Variants in TMEM59 observed in about 807,000 individuals in gnomAD.
TMEM59 encodes the protein dendritic cell factor 1.
In TMEM59, 44 loss-of-function variants were observed where a neutral mutation model predicts 42.2. That is an observed-to-expected ratio of 1.04 (90% CI 0.82 to 1.34). The LOEUF is 1.34. Among genes scored for constraint, TMEM59 ranks in the 40% most tolerant of loss-of-function variants. The probability of loss-of-function intolerance (pLI) is 0.00; values close to 1 mark genes in which losing one functional copy is unlikely to be tolerated. For missense variants in TMEM59, 359 were observed against 382.8 expected, an observed-to-expected ratio of 0.94 and a Z score of 0.52; for synonymous variants, 148 against 145.8, an observed-to-expected ratio of 1.02 and a Z score of -0.11.
At position 54,030,977 on chromosome 1, in the gene TMEM59, C is replaced by T. The variant is rs1253606293; in HGVS notation, c.*1173G>A. On this transcript the variant is annotated 3_prime_UTR_variant, in exon 8 of 8. Coordinates refer to ENST00000234831, the MANE Select transcript of TMEM59 (RefSeq NM_004872.5). ...TATTAGAATTCTGGTGTAGGCTGGG[C>T]ACAGTCACTCACGCCTGTAATCCCA... 1 of 152,156 alleles carries T rather than the reference C, an allele frequency of 6.6e-6. No individual in the cohort carries two copies. Among genetic ancestry groups the T allele is most frequent in the Non-Finnish European group, 1.5e-5 (1 of 68,030 alleles). 9.4% of individuals were successfully genotyped at this position (152,156 alleles called of 1,614,324 possible).
intron 7 of TMEM59, among the ~76,000 whole-genome samples, chr1:54,036,401 C>T (rs1440789930): frequency 2.0e-5 from 3 of 152,074 alleles, no homozygotes; most frequent in Non-Finnish European, 2.9e-5. Context: ...TATGTCACCA[C>T]GGTAGTTAGC....
At chr1:54,042,213 A>G (rs1433046926) in intron 4 of TMEM59, among the ~76,000 whole-genome samples, 2 of 152,198 alleles carry the variant, frequency 1.3e-5, no homozygotes, top group Non-Finnish European at 2.9e-5. Context: ...ATTTATTCTC[A>G]TATGAAACAT....
Position 54,047,264 on chromosome 1 carries a change from T to C in TMEM59, c.295+3A>G. On this transcript the variant is annotated splice_donor_region_variant and intron_variant, in intron 2 of 7. Transcript: ENST00000234831. The stretch of plus-strand genomic sequence containing the variant: ...AGCTGATGTCGTTAGCATAGCATCT[T>C]ACCAGATTCACATTCCAATTTAGTT... 1 of 1,611,354 alleles carries C rather than the reference T, an allele frequency of 6.2e-7. No homozygotes were observed. The highest frequency in any genetic ancestry group is 8.5e-7 in the Non-Finnish European group (1 of 1,178,348).
Position 54,031,634 on chromosome 1 carries a change from G to A in TMEM59, c.*516C>T, listed in dbSNP as rs1656769393. On this transcript the variant is annotated 3_prime_UTR_variant, in exon 8 of 8. Transcript: ENST00000234831. ...TATCTAGGTTGGGCAGGAATAGGAG[G>A]GAAGGTCTAGAAAAATCAGATACTC... is the stretch of plus-strand genomic sequence containing the variant. 6.6e-6 allele frequency: 1 copy of A among 152,630 alleles called. No individual in the cohort carries two copies. The highest frequency in any genetic ancestry group is 2.1e-4 in the South Asian group (1 of 4,832). The allele number at this position is 152,630 out of a possible 1,614,324, so 9.5% of individuals were successfully genotyped here.
At chr1:54,033,044 C>T (rs1431836979) in intron 7 of TMEM59, 2 of 151,934 alleles carry the variant, frequency 1.3e-5, no homozygotes, top group Non-Finnish European at 2.9e-5. Flanking sequence ...TCTCCTGCCT[C>T]AGCCTCCTGA....
At chr1:54,040,639 G>A (rs1479908829) in intron 6 of TMEM59, 117 bp downstream of exon 6, 3 of 745,676 alleles carry the variant, frequency 4.0e-6, no homozygotes, top group Non-Finnish European at 6.6e-6. Flanking sequence ...CTTTGGAAAG[G>A]AACAAGTAAA....
chr1:54,037,194 T>C (rs1433678191), intron 6 of TMEM59, among the ~76,000 whole-genome samples: 1 of 152,228 alleles, frequency 6.6e-6, no homozygotes, highest in Non-Finnish European at 1.5e-5. Flanking sequence ...TCAGTTTCCC[T>C]AGAATACTTT....
intron 4 of TMEM59, among the ~76,000 whole-genome samples, chr1:54,042,071 T>TA (rs1240968882): frequency 6.6e-6 from 1 of 151,306 alleles, no homozygotes; most frequent in Non-Finnish European, 1.5e-5. Context: ...TTTTTTTTTT[T>TA]AAAGGGAGAG....
At chr1:54,047,143 T>C in intron 2 of TMEM59, 124 bp downstream of exon 2, 1 of 721,668 alleles carries the variant, frequency 1.4e-6, no homozygotes. Flanking sequence ...TCCATAATAA[T>C]TACAATATGT....
At chr1:54,053,429 A>T, upstream of TMEM59, 1 of 541,076 alleles carries the variant, frequency 1.8e-6, no homozygotes, top group Non-Finnish European at 3.3e-6. Flanking sequence ...GTTAGCGCGA[A>T]GCGGGGCCTC....
At position 54,026,706 on chromosome 1, in the gene TMEM59, G is replaced by A. The variant is rs1390188681; in HGVS notation, c.*5444C>T. Reference sequence around the variant, plus strand: ...TTATTTTTTAATGCAGATGATCCAAGTTTTATTAAAGTTTACATACTTAAG... The same window carrying A: ...TTATTTTTTAATGCAGATGATCCAAATTTTATTAAAGTTTACATACTTAAG... On this transcript the variant is annotated 3_prime_UTR_variant, in exon 8 of 8. Transcript: ENST00000234831. The A allele has an allele frequency of 2.0e-5, 3 of 152,178 alleles. No homozygotes were observed. The East Asian group carries it at 5.8e-4, about 29-fold the overall frequency. The allele number at this position is 152,178 out of a possible 1,614,324, so 9.4% of individuals were successfully genotyped here. A position where few individuals can be genotyped will look rare whatever the true frequency, so the allele number is the denominator to read the frequency against.
chr1:54,038,395 CAT>C (rs963007260), intron 6 of TMEM59, among the ~76,000 whole-genome samples: 2 of 152,168 alleles, frequency 1.3e-5, no homozygotes, highest in African/African-American at 4.8e-5. Context: ...GTGTATGAGA[CAT>C]GTGTAGGACT....
rs1358428058 is a variant in TMEM59 at position 54,030,435 on chromosome 1, C to T, written c.*1715G>A. The T allele has an allele frequency of 3.3e-5, 5 of 151,956 alleles. No homozygotes were observed. The highest frequency in any genetic ancestry group is 7.4e-5 in the Non-Finnish European group (5 of 67,998). The allele number at this position is 151,956 out of a possible 1,614,324, so 9.4% of individuals were successfully genotyped here. On this transcript the variant is annotated 3_prime_UTR_variant, in exon 8 of 8. Transcript: ENST00000234831. ...TTAATGGTAACTCCTATCCACTACC[C>T]ATGTTTTATATAGTCCCCATGTTTG...
Position 54,032,267 on chromosome 1 carries a change from T to C in TMEM59, c.855A>G (p.Glu285=). 1 of 1,611,528 alleles carries C rather than the reference T, an allele frequency of 6.2e-7. No individual in the cohort carries two copies. Residue 285 remains glutamate (E), a synonymous_variant, in exon 8 of 8, where the codon GAA becomes GAG. Transcript: ENST00000234831. ...AAGCTGGATATCTGTTTAGCTTTTGTTCATTCATAAACTCCAAGTCACCAT... is the reference window on the plus strand; with the variant it reads ...AAGCTGGATATCTGTTTAGCTTTTGCTCATTCATAAACTCCAAGTCACCAT... ...SIYGDLEFMN[E]QKLNRYPASS... is the part of the protein sequence containing the mutation.
rs1411458536 is a variant in TMEM59 at position 54,030,144 on chromosome 1, A to G, written c.*2006T>C. On this transcript the variant is annotated 3_prime_UTR_variant, in exon 8 of 8. Coordinates refer to ENST00000234831, the MANE Select transcript of TMEM59 (RefSeq NM_004872.5). ...ATAGGACAACTGTACAGTTGCTTTA[A>G]AAAAAAAAAAAAAGATGGGATTCTC... 6.9e-6 allele frequency: 1 copy of G among 144,266 alleles called. No individual in the cohort carries two copies. Among genetic ancestry groups the G allele is most frequent in the East Asian group, 2.0e-4 (1 of 5,066 alleles). 8.9% of individuals were successfully genotyped at this position (144,266 alleles called of 1,614,324 possible).
At chr1:54,048,385 T>C (rs1657414162) in intron 1 of TMEM59, among the ~76,000 whole-genome samples, 2 of 152,166 alleles carry the variant, frequency 1.3e-5, no homozygotes, top group African/African-American at 4.8e-5. Context: ...AATTCCTCAA[T>C]AATTTGGAAG....
At chr1:54,032,933 T>A (rs1270617287) in intron 7 of TMEM59, among the ~76,000 whole-genome samples, 2 of 151,818 alleles carry the variant, frequency 1.3e-5, no homozygotes, top group Admixed American at 1.3e-4. Context: ...TCTTTTTTTT[T>A]TTTTTTTAAA....
chr1:54,053,206 C>T (rs1474580516), upstream of TMEM59: 1 of 1,612,678 alleles, frequency 6.2e-7, no homozygotes, highest in Non-Finnish European at 8.5e-7. Flanking sequence ...CCCTCTGTCA[C>T]AGCAGCTCAG....
chr1:54,040,930 C>G, intron 5 of TMEM59, 93 bp from the exon 6 acceptor site: 2 of 991,422 alleles, frequency 2.0e-6, no homozygotes, highest in South Asian at 2.9e-5. Flanking sequence ...TTACAGATAT[C>G]CAATTGTTTT....
Sources: allele counts gnomAD v4.1 joint callset (sites outside exome capture counted in the v4.1 genomes callset), GRCh38; gene constraint gnomAD v4.1.1; transcripts MANE v1.5; gene names NCBI Gene and HGNC (gene_info 2026-07-23, HGNC 2026-07-21).